The following PCSK5 variants were observed in gnomAD, a reference collection of about 807,000 sequenced individuals.
PCSK5 encodes prohormone convertase 5.
In PCSK5, 129 loss-of-function variants were observed where a neutral mutation model predicts 233.2. The ratio of observed to expected loss-of-function variants is 0.55; its 90% CI spans 0.48 to 0.64. The LOEUF is 0.64. Among genes scored for constraint, PCSK5 ranks in the 30% least tolerant of loss-of-function variants. The probability of loss-of-function intolerance (pLI) is 0.00; values close to 1 mark genes in which losing one functional copy is unlikely to be tolerated. For synonymous variants in PCSK5, 825 were observed against 879.2 expected, an observed-to-expected ratio of 0.94 and a Z score of 1.09; for missense variants, 2,076 against 2,430.1, an observed-to-expected ratio of 0.85 and a Z score of 3.06.
intron 1 of PCSK5, among the ~76,000 whole-genome samples, chr9:75,930,526 T>C (rs1823738974): frequency 6.6e-6 from 1 of 152,212 alleles, no homozygotes; most frequent in African/African-American, 2.4e-5. Context: ...AACTATATTA[T>C]GAAATAGTAT....
chr9:76,140,657 CATT>C (rs530105485), intron 10 of PCSK5, among the ~76,000 whole-genome samples: 1 of 151,948 alleles, frequency 6.6e-6, no homozygotes, highest in Non-Finnish European at 1.5e-5. Context: ...GTTTTTAAAT[CATT>C]AATCGTGTAT....
intron 2 of PCSK5, among the ~76,000 whole-genome samples, chr9:75,938,767 A>G (rs556098983): frequency 1.3e-5 from 2 of 152,310 alleles, no homozygotes; most frequent in South Asian, 2.1e-4. Context: ...CATTGGGCAT[A>G]TAAGGCAAGT....
intron 1 of PCSK5, among the ~76,000 whole-genome samples, chr9:75,902,237 A>G (rs943039046): frequency 2.0e-5 from 3 of 148,888 alleles, no homozygotes; most frequent in Non-Finnish European, 3.0e-5. Context: ...AAAAAAAAAA[A>G]AAAAAAGAAA....
intron 2 of PCSK5, among the ~76,000 whole-genome samples, chr9:75,940,826 A>G (rs890014208): frequency 6.6e-6 from 1 of 152,222 alleles, no homozygotes; most frequent in Non-Finnish European, 1.5e-5. Flanking sequence ...GGAGGCAACC[A>G]TCACATTTGC....
chr9:76,355,452 G>A (rs1284237921), intron 37 of PCSK5, among the ~76,000 whole-genome samples: 2 of 151,834 alleles, frequency 1.3e-5, no homozygotes, highest in Admixed American at 6.6e-5. Flanking sequence ...CAGCCTGGGT[G>A]ACAGAGCGAG....
chr9:76,263,841 C>T (rs1290878538), intron 24 of PCSK5, among the ~76,000 whole-genome samples: 2 of 151,718 alleles, frequency 1.3e-5, no homozygotes, highest in Non-Finnish European at 2.9e-5. Flanking sequence ...ATATCCCATG[C>T]TCATGGATTG....
At chr9:75,950,894 G>A (rs1587408824) in intron 2 of PCSK5, among the ~76,000 whole-genome samples, 1 of 152,144 alleles carries the variant, frequency 6.6e-6, no homozygotes, top group East Asian at 1.9e-4. Context: ...CACAAACAAG[G>A]GCCTTTTAAA....
At chr9:76,321,297 T>C in intron 30 of PCSK5, 125 bp from the exon 31 acceptor site, 1 of 614,904 alleles carries the variant, frequency 1.6e-6, no homozygotes, top group South Asian at 2.0e-5. Context: ...ATAAATCCCA[T>C]GGATGCCTCT....
chr9:76,328,706 A>G (rs1297462431), intron 33 of PCSK5, among the ~76,000 whole-genome samples: 2 of 152,206 alleles, frequency 1.3e-5, no homozygotes, highest in African/African-American at 4.8e-5. Context: ...TAAATTGTAC[A>G]TTCATACAAT....
intron 2 of PCSK5, among the ~76,000 whole-genome samples, chr9:75,940,467 A>G (rs1184546625): frequency 6.6e-6 from 1 of 152,252 alleles, no homozygotes; most frequent in African/African-American, 2.4e-5. Context: ...AGGAAAGGGC[A>G]TAGGAAAAGG....
intron 10 of PCSK5, among the ~76,000 whole-genome samples, chr9:76,140,436 C>G (rs73456502): frequency 0.018 from 2,763 of 152,012 alleles, 71 homozygotes; most frequent in African/African-American, 0.062. Flanking sequence ...ATGAAAAGTG[C>G]TTTGAAAATG....
At chr9:76,015,834 G>A (rs1303016590) in intron 3 of PCSK5, among the ~76,000 whole-genome samples, 1 of 152,066 alleles carries the variant, frequency 6.6e-6, no homozygotes, top group Non-Finnish European at 1.5e-5. Flanking sequence ...TGAGCTTTTT[G>A]TGGTTTTAGC....
At chr9:76,049,177 A>G (rs1829534246) in intron 5 of PCSK5, among the ~76,000 whole-genome samples, 1 of 152,158 alleles carries the variant, frequency 6.6e-6, no homozygotes, top group Non-Finnish European at 1.5e-5. Flanking sequence ...TAAAATATTT[A>G]CTACTTGGCC....
intron 4 of PCSK5, among the ~76,000 whole-genome samples, chr9:76,024,963 C>T (rs1486357330): frequency 1.3e-5 from 2 of 152,168 alleles, no homozygotes. Flanking sequence ...GGTTGGTCCT[C>T]TGTTTCGGGC....
intron 20 of PCSK5, among the ~76,000 whole-genome samples, chr9:76,196,478 T>C (rs1415534976): frequency 6.6e-6 from 1 of 152,238 alleles, no homozygotes; most frequent in Admixed American, 6.5e-5. Context: ...TAGATCTTTC[T>C]GAACCGTGCC....
In PCSK5 at chr9:75,891,053, C is replaced by CGCCCGGGACTGCGAGCTGCGGCG; in HGVS notation, c.-122_-121insACTGCGAGCTGCGGCGGCCCGGG. ...CCGGGGCTAGCCGCCTCCTGCCGAT[C>CGCCCGGGACTGCGAGCTGCGGCG]GCCCGGGGCTGCGAGCTGCGGCGGC... On this transcript the variant is annotated 5_prime_UTR_variant, in exon 1 of 38. Coordinates refer to ENST00000674117, the MANE Select transcript of PCSK5 (RefSeq NM_001372043.1). 1 of 741,268 alleles carries CGCCCGGGACTGCGAGCTGCGGCG rather than the reference C, an allele frequency of 1.3e-6. No homozygotes were observed. The allele number at this position is 741,268 out of a possible 1,614,324, so 45.9% of individuals were successfully genotyped here. A position where few individuals can be genotyped will look rare whatever the true frequency, so the allele number is the denominator to read the frequency against.
intron 5 of PCSK5, among the ~76,000 whole-genome samples, chr9:76,064,412 A>ACCC (rs548444899): frequency 1.0e-5 from 1 of 98,004 alleles, no homozygotes; most frequent in African/African-American, 4.4e-5. Flanking sequence ...CGGGGGGCTG[A>ACCC]CCCCCCCACC....
intron 1 of PCSK5, among the ~76,000 whole-genome samples, chr9:75,928,618 T>TAA (rs1823622770): frequency 8.9e-6 from 1 of 112,524 alleles, no homozygotes; most frequent in Non-Finnish European, 1.8e-5. Flanking sequence ...TATATATATA[T>TAA]ATATATATAT....
chr9:76,100,445 C>T (rs1185041207), intron 8 of PCSK5, among the ~76,000 whole-genome samples: 1 of 152,218 alleles, frequency 6.6e-6, no homozygotes. Context: ...TTGGGAAACC[C>T]TATGCAGAAA....
Sources: gnomAD v4.1 joint callset for allele counts (sites outside exome capture counted in the v4.1 genomes callset) on GRCh38, gnomAD v4.1.1 for gene constraint, MANE v1.5 for transcripts, NCBI Gene and HGNC (gene_info 2026-07-23, HGNC 2026-07-21) for gene names.